The following PLPPR1 variants were observed in gnomAD, a reference collection of about 807,000 sequenced individuals.
PLPPR1 encodes the protein phospholipid phosphatase related 1, also known as phospholipid phosphatase-related protein type 1.
In PLPPR1, 10 loss-of-function variants were observed where a neutral mutation model predicts 33.1. That is an observed-to-expected ratio of 0.30 (90% CI 0.19 to 0.51). PLPPR1 has a LOEUF of 0.51. Ranked by LOEUF, PLPPR1 falls within the 20% of genes least tolerant of loss-of-function variation. The probability of loss-of-function intolerance (pLI) is 0.97; values close to 1 mark genes in which losing one functional copy is unlikely to be tolerated. For synonymous variants in PLPPR1, 151 were observed against 151.0 expected (o/e 1.00, Z 0.00); for missense variants, 304 against 408.1 (o/e 0.74, Z 2.20).
chr9:101,039,846 A>G (rs775437626), intron 1 of PLPPR1, among the ~76,000 whole-genome samples: 4 of 151,858 alleles, frequency 2.6e-5, no homozygotes, highest in Non-Finnish European at 2.9e-5. Context: ...GGCTCCTCCC[A>G]TGACACATGG....
Position 101,312,704 on chromosome 9 carries a change from T to C in PLPPR1, c.637-94T>C. The C allele has an allele frequency of 3.2e-6, 3 of 944,006 alleles. No individual in the cohort carries two copies. The South Asian group carries it at 4.7e-5, about 15-fold the overall frequency. 58.5% of individuals were successfully genotyped at this position (944,006 alleles called of 1,614,324 possible). ...TGGTTGCTTTGACACAAGCCCCTGC[T>C]TGTGTATGCTGGTGTATGTACCTGC... On this transcript the variant is annotated intron_variant, in intron 5 of 7. Transcript: ENST00000374874.
intron 2 of PLPPR1, among the ~76,000 whole-genome samples, chr9:101,241,193 C>T (rs535065528): frequency 6.3e-4 from 96 of 152,140 alleles, no homozygotes; most frequent in African/African-American, 2.1e-3. Flanking sequence ...AAGAGAGAGG[C>T]AGCAGTACTG....
chr9:101,314,443 A>G (rs566317840), intron 6 of PLPPR1, among the ~76,000 whole-genome samples: 3 of 152,218 alleles, frequency 2.0e-5, no homozygotes, highest in Non-Finnish European at 4.4e-5. Flanking sequence ...ATTCAAAATG[A>G]CAGGCATATC....
chr9:101,292,309 C>G (rs376507425), intron 4 of PLPPR1, among the ~76,000 whole-genome samples: 7,390 of 152,044 alleles, frequency 0.049, 544 homozygotes, highest in African/African-American at 0.16. Context: ...CCAAATCTAC[C>G]TCTGATTGGT....
At chr9:101,111,162 A>G (rs1831051111) in intron 1 of PLPPR1, among the ~76,000 whole-genome samples, 1 of 152,122 alleles carries the variant, frequency 6.6e-6, no homozygotes, top group South Asian at 2.1e-4. Flanking sequence ...GGTGATTTTT[A>G]TATTCTTCTT....
intron 4 of PLPPR1, among the ~76,000 whole-genome samples, chr9:101,307,817 T>C (rs1038509099): frequency 2.6e-5 from 4 of 152,222 alleles, no homozygotes; most frequent in African/African-American, 9.6e-5. Context: ...TCTTGACATT[T>C]ACAAGGGTTA....
At chr9:101,205,270 C>T (rs1304398699) in intron 2 of PLPPR1, among the ~76,000 whole-genome samples, 7 of 152,046 alleles carry the variant, frequency 4.6e-5, no homozygotes, top group Non-Finnish European at 4.4e-5. Context: ...TCAGGAAAAG[C>T]GGTTGATTAG....
chr9:101,255,814 A>G lies in PLPPR1; in HGVS notation c.64-14066A>G, dbSNP rs377569845. ...CATTGCTACATTTGCAAATATTTAG[A>G]TGTGCCTTTGCAAAGCAAAACAATT... On this transcript the variant is annotated intron_variant, in intron 2 of 7. Transcript: ENST00000374874. 2.0e-5 allele frequency among the ~76,000 whole-genome samples: 3 copies of G among 152,270 alleles called. No homozygotes were observed. The East Asian group carries it at 5.8e-4, about 29-fold the overall frequency.
chr9:101,107,848 G>A (rs1370327198), intron 1 of PLPPR1, among the ~76,000 whole-genome samples: 2 of 150,704 alleles, frequency 1.3e-5, no homozygotes, highest in African/African-American at 2.5e-5. Flanking sequence ...ATATAGTCTC[G>A]TGGTGCGCCG....
At chr9:101,281,926 A>G (rs1003175484) in intron 3 of PLPPR1, among the ~76,000 whole-genome samples, 4 of 152,318 alleles carry the variant, frequency 2.6e-5, no homozygotes, top group Middle Eastern at 3.4e-3. Context: ...TGAATCAATA[A>G]TATACAGTCC....
chr9:101,169,073 T>C (rs1397618310), intron 1 of PLPPR1, among the ~76,000 whole-genome samples: 3 of 152,174 alleles, frequency 2.0e-5, no homozygotes, highest in Non-Finnish European at 4.4e-5. Flanking sequence ...TTCATTACTT[T>C]TAAGTTGAGA....
chr9:101,031,616 T>G (rs1829946947), intron 1 of PLPPR1, among the ~76,000 whole-genome samples: 1 of 152,220 alleles, frequency 6.6e-6, no homozygotes, highest in Non-Finnish European at 1.5e-5. Context: ...ATCATCAAGG[T>G]AACAGGTATT....
At chr9:101,138,898 G>T (rs1323844977) in intron 1 of PLPPR1, among the ~76,000 whole-genome samples, 1 of 152,118 alleles carries the variant, frequency 6.6e-6, no homozygotes, top group Admixed American at 6.6e-5. Context: ...TAGGATTAAA[G>T]TTGACTCTTC....
At chr9:101,140,811 T>A (rs1222700123) in intron 1 of PLPPR1, among the ~76,000 whole-genome samples, 1 of 152,172 alleles carries the variant, frequency 6.6e-6, no homozygotes, top group Non-Finnish European at 1.5e-5. Context: ...TTGGTGTGTA[T>A]GTACTCTGTC....
At chr9:101,083,179 G>A (rs1482337606) in intron 1 of PLPPR1, among the ~76,000 whole-genome samples, 1 of 151,784 alleles carries the variant, frequency 6.6e-6, no homozygotes, top group Non-Finnish European at 1.5e-5. Context: ...TTTTTTTTGA[G>A]ATCGAGTCTC....
chr9:101,291,905 C>T (rs1055072359), intron 4 of PLPPR1, among the ~76,000 whole-genome samples: 1 of 152,194 alleles, frequency 6.6e-6, no homozygotes, highest in Admixed American at 6.5e-5. Flanking sequence ...CAAAGGAACA[C>T]AGCTCCTCAC....
At chr9:101,291,710 A>G (rs922609718) in intron 4 of PLPPR1, among the ~76,000 whole-genome samples, 3 of 152,238 alleles carry the variant, frequency 2.0e-5, no homozygotes, top group African/African-American at 4.8e-5. Context: ...GCAAACTCCA[A>G]CAGACCCGCA....
Position 101,265,591 on chromosome 9 carries a change from C to T in PLPPR1, c.64-4289C>T, listed in dbSNP as rs1432500096. Among the ~76,000 whole-genome samples, 4 of 152,204 alleles carry T rather than the reference C, an allele frequency of 2.6e-5. No homozygotes were observed. In the East Asian group the frequency reaches 7.7e-4, roughly 29 times the overall value. ...GAGGAAGAAAGGAGTATGCTGATGG[C>T]TAATTGTGTGGCATCATCAGTGCAG... On this transcript the variant is annotated intron_variant, in intron 2 of 7. Transcript: ENST00000374874.
In PLPPR1 at chr9:101,225,750, C is replaced by T. The variant is rs1231592704; in HGVS notation, c.63+40193C>T. Among the ~76,000 whole-genome samples the T allele has an allele frequency of 4.1e-5, 6 of 146,350 alleles. 1 individual carries two copies. Among genetic ancestry groups the T allele is most frequent in the Non-Finnish European group, 9.0e-5 (6 of 66,362 alleles). Reference sequence around the variant, plus strand: ...GCCCCCCACCCCACCACCACCCCCACCCCCTATGTAACCAAGAAATATAAT... The same window carrying T: ...GCCCCCCACCCCACCACCACCCCCATCCCCTATGTAACCAAGAAATATAAT... On this transcript the variant is annotated intron_variant, in intron 2 of 7. Coordinates refer to ENST00000374874, the MANE Select transcript of PLPPR1 (RefSeq NM_207299.2).
Sources: gnomAD v4.1 joint callset for allele counts (sites outside exome capture counted in the v4.1 genomes callset) on GRCh38, gnomAD v4.1.1 for gene constraint, MANE v1.5 for transcripts, NCBI Gene and HGNC (gene_info 2026-07-23, HGNC 2026-07-21) for gene names.